Variants in DNAH11 observed in about 807,000 individuals in gnomAD.
DNAH11 encodes axonemal beta dynein heavy chain 11.
DNAH11 carries 442 observed loss-of-function variants against 526.0 expected under a neutral mutation model. The observed-to-expected ratio is 0.84, with a 90% CI of 0.78 to 0.91. The LOEUF is 0.91. Among genes scored for constraint, DNAH11 ranks in the 40% least tolerant of loss-of-function variants. The pLI, the probability that DNAH11 is intolerant of heterozygous loss-of-function variation, is 0.00. For missense variants in DNAH11, 6,989 were observed against 5,448.7 expected, an observed-to-expected ratio of 1.28 and a Z score of -8.90; for synonymous variants, 2,461 against 1,935.9, an observed-to-expected ratio of 1.27 and a Z score of -7.12.
intron 63 of DNAH11, among the ~76,000 whole-genome samples, chr7:21,810,507 C>G (rs904154464): frequency 1.3e-5 from 2 of 152,006 alleles, no homozygotes; most frequent in Non-Finnish European, 2.9e-5. Flanking sequence ...CTGGCCAAAC[C>G]AAAGGAAATT....
chr7:21,900,945 C>G (rs1784782522), intron 81 of DNAH11, 62 bp from the exon 82 acceptor site: 7 of 1,086,414 alleles, frequency 6.4e-6, no homozygotes, highest in African/African-American at 3.2e-5. Context: ...AAACAACTTA[C>G]TTGATCATTA....
rs1783149314 is a variant in DNAH11, at chr7:21,554,608, C to T, written c.496-4194C>T. ...TCTCCTAATCATTCCCCTTTCTTTT[C>T]CTGTGAAAAGGATACTTGTGATAGA... On this transcript the variant is annotated intron_variant, in intron 2 of 81. Transcript: ENST00000409508. Among the ~76,000 whole-genome samples the T allele has an allele frequency of 2.0e-5, 3 of 152,128 alleles. No homozygotes were observed. The South Asian group carries it at 6.2e-4, about 31-fold the overall frequency.
chr7:21,880,084 C>CAAAAAAAA (rs57931095), intron 74 of DNAH11, among the ~76,000 whole-genome samples: 1 of 93,746 alleles, frequency 1.1e-5, no homozygotes, highest in Non-Finnish European at 2.3e-5. Flanking sequence ...GACTCCGTCT[C>CAAAAAAAA]AAAAAAAAAA....
chr7:21,734,332 T>C (rs1482477501), intron 45 of DNAH11, among the ~76,000 whole-genome samples: 2 of 152,222 alleles, frequency 1.3e-5, no homozygotes, highest in Non-Finnish European at 2.9e-5. Flanking sequence ...GTGTGAATTA[T>C]TGGTATTAAT....
At chr7:21,776,299 G>A (rs574372936) in intron 56 of DNAH11, among the ~76,000 whole-genome samples, 293 of 152,288 alleles carry the variant, frequency 1.9e-3, no homozygotes, top group African/African-American at 6.7e-3. Context: ...TTTGTGCATG[G>A]AATGCTCTTA....
chr7:21,764,491 C>A (rs978110841), intron 54 of DNAH11, among the ~76,000 whole-genome samples: 1 of 35,166 alleles, frequency 2.8e-5, no homozygotes, highest in Non-Finnish European at 1.0e-4. Flanking sequence ...CCCTCTTAGA[C>A]CTTACTCCCT....
chr7:21,868,752 C>CA, intron 72 of DNAH11, 112 bp from the exon 73 acceptor site: 1 of 1,362,334 alleles, frequency 7.3e-7, no homozygotes, highest in Non-Finnish European at 1.0e-6. Context: ...TCAGGAAAGT[C>CA]ACTCAGAAGA....
chr7:21,723,411 C>T (rs1784959270), intron 44 of DNAH11, among the ~76,000 whole-genome samples: 1 of 152,230 alleles, frequency 6.6e-6, no homozygotes, highest in African/African-American at 2.4e-5. Flanking sequence ...TCAGCCATTG[C>T]AGCCAACCTC....
intron 75 of DNAH11, among the ~76,000 whole-genome samples, chr7:21,881,365 A>G (rs1186785359): frequency 6.6e-6 from 1 of 152,252 alleles, no homozygotes; most frequent in Non-Finnish European, 1.5e-5. Flanking sequence ...ATTATTATGT[A>G]TTAAGGATGC....
intron 22 of DNAH11, 73 bp downstream of exon 22, chr7:21,616,365 G>A (rs1419684578): frequency 4.2e-6 from 5 of 1,187,642 alleles, no homozygotes; most frequent in South Asian, 4.2e-5. Context: ...CCCTAATCTA[G>A]TATCTGGTGT....
chr7:21,764,139 A>G (rs186104059), intron 54 of DNAH11, among the ~76,000 whole-genome samples: 2 of 152,296 alleles, frequency 1.3e-5, no homozygotes, highest in Admixed American at 6.5e-5. Flanking sequence ...ACAGTTAACA[A>G]TCCTGTATCG....
At chr7:21,879,067 T>G (rs747588240) in intron 74 of DNAH11, among the ~76,000 whole-genome samples, 91 of 152,352 alleles carry the variant, frequency 6.0e-4, no homozygotes, top group Non-Finnish European at 1.2e-3. Flanking sequence ...ATTGGACAGC[T>G]ATTTTTCTTT....
rs577127390 is a variant in DNAH11 at position 21,688,415 on chromosome 7, G to C, written c.5924+888G>C. Among the ~76,000 whole-genome samples the C allele has an allele frequency of 2.0e-5, 3 of 152,210 alleles. No individual in the cohort carries two copies. In the East Asian group the frequency reaches 5.8e-4, roughly 29 times the overall value. On this transcript the variant is annotated intron_variant, in intron 34 of 81. Transcript: ENST00000409508. Reference sequence around the variant, plus strand: ...TCCTGGCCAACCCAACTCACGTTAGGCATCACAGGCCCCAGTCTTTGGATT... The same window carrying C: ...TCCTGGCCAACCCAACTCACGTTAGCCATCACAGGCCCCAGTCTTTGGATT...
At chr7:21,656,012 A>C in intron 29 of DNAH11, 31 bp downstream of exon 29, 1 of 1,547,840 alleles carries the variant, frequency 6.5e-7, no homozygotes, top group Non-Finnish European at 8.7e-7. Flanking sequence ...TTTCTATGCT[A>C]GGGGAGTATT....
At position 21,572,326 on chromosome 7, in the gene DNAH11, G is replaced by A. The variant is rs545824007; in HGVS notation, c.1593+353G>A. Among the ~76,000 whole-genome samples, 11 of 152,202 alleles carry A rather than the reference G, an allele frequency of 7.2e-5. No individual in the cohort carries two copies. In the South Asian group the frequency reaches 2.3e-3, roughly 32 times the overall value. On this transcript the variant is annotated intron_variant, in intron 8 of 81. Transcript: ENST00000409508. ...ATTTTCTTGAATCACTGGATGTTTT[G>A]TTTTTTGATTCACCTGAACACTTGC...
At position 21,901,379 on chromosome 7, in the gene DNAH11, C is replaced by CGCTATCCTTAGAGTGAAA. The variant is rs1385804658; in HGVS notation, c.*127_*144dup. The CGCTATCCTTAGAGTGAAA allele has an allele frequency of 7.7e-7, 1 of 1,303,196 alleles. No homozygotes were observed. The highest frequency in any genetic ancestry group is 1.0e-6 in the Non-Finnish European group (1 of 1,003,048). The allele number at this position is 1,303,196 out of a possible 1,614,324, so 80.7% of individuals were successfully genotyped here. ...ACTCACACGTGCATTCTTTTTTCAA[C>CGCTATCCTTAGAGTGAAA]GCTATCCTTAGAGTGAAAGTCAGAA... On this transcript the variant is annotated 3_prime_UTR_variant, in exon 82 of 82. Transcript: ENST00000409508.
At chr7:21,544,945 T>C in intron 1 of DNAH11, 61 bp from the exon 2 acceptor site, 1 of 1,387,996 alleles carries the variant, frequency 7.2e-7, no homozygotes, top group Non-Finnish European at 9.7e-7. Flanking sequence ...AAGTTGGATA[T>C]AGTAAATCCT....
chr7:21,619,931 C>A (rs370690687), intron 24 of DNAH11, 25 bp from the exon 25 acceptor site: 1 of 1,237,494 alleles, frequency 8.1e-7, no homozygotes. Flanking sequence ...ATTTTGTGCA[C>A]ATTAATTATA....
chr7:21,799,668 T>C (rs1788882265), intron 61 of DNAH11, among the ~76,000 whole-genome samples: 1 of 152,192 alleles, frequency 6.6e-6, no homozygotes, highest in Admixed American at 6.5e-5. Flanking sequence ...TGGTGATGTA[T>C]AATATCTCCA....
Sources: gnomAD v4.1 joint callset for allele counts (sites outside exome capture counted in the v4.1 genomes callset) on GRCh38, gnomAD v4.1.1 for gene constraint, MANE v1.5 for transcripts, NCBI Gene and HGNC (gene_info 2026-07-23, HGNC 2026-07-21) for gene names.